The following CACHD1 variants were observed in gnomAD, a reference collection of about 807,000 sequenced individuals.
CACHD1 encodes the protein VWFA and cache domain-containing protein 1.
A neutral mutation model predicts 138.7 loss-of-function variants in CACHD1; 71 were observed. That is an observed-to-expected ratio of 0.51 (90% CI 0.42 to 0.62). The LOEUF (loss-of-function observed/expected upper bound fraction) is 0.62, where lower values mean the gene tolerates loss of function less well. Among genes scored for constraint, CACHD1 ranks in the 20% least tolerant of loss-of-function variants. The pLI, the probability that CACHD1 is intolerant of heterozygous loss-of-function variation, is 0.00. For missense variants in CACHD1, 1,389 were observed against 1,625.3 expected, an observed-to-expected ratio of 0.85 and a Z score of 2.50; for synonymous variants, 578 against 591.5, an observed-to-expected ratio of 0.98 and a Z score of 0.33.
intron 2 of CACHD1, among the ~76,000 whole-genome samples, chr1:64,564,112 C>T (rs1646862822): frequency 6.6e-6 from 1 of 152,130 alleles, no homozygotes; most frequent in Non-Finnish European, 1.5e-5. Context: ...CATGCAGAGC[C>T]TTTTCTCTGA....
chr1:64,691,411 T>C lies in CACHD1; in HGVS notation c.3675T>C (p.His1225=). ...PLSAGVDVGN[H]DEDLDLDTPP... The stretch of plus-strand genomic sequence containing the variant: ...CAGCCGGGGTCGATGTGGGAAACCA[T>C]GATGAGGACTTAGACCTGGATACCC... Residue 1225 remains histidine, a synonymous_variant, in exon 27 of 27, where the codon CAT becomes CAC. Coordinates refer to ENST00000651257, the MANE Select transcript of CACHD1 (RefSeq NM_020925.4). The C allele has an allele frequency of 1.2e-6, 2 of 1,614,072 alleles. No homozygotes were observed. Among genetic ancestry groups the C allele is most frequent in the Non-Finnish European group, 1.7e-6 (2 of 1,180,024 alleles).
chr1:64,600,014 A>G (rs1647197290), intron 3 of CACHD1, among the ~76,000 whole-genome samples: 1 of 152,164 alleles, frequency 6.6e-6, no homozygotes, highest in African/African-American at 2.4e-5. Context: ...GTCTCTGGAA[A>G]GGAGTTGAGT....
chr1:64,558,371 C>T (rs1399756691), intron 2 of CACHD1, among the ~76,000 whole-genome samples: 2 of 152,230 alleles, frequency 1.3e-5, no homozygotes, highest in African/African-American at 4.8e-5. Flanking sequence ...CAAGTCTGTT[C>T]TCCCATGTCA....
At chr1:64,598,228 T>C (rs1224526532) in intron 3 of CACHD1, among the ~76,000 whole-genome samples, 3 of 152,170 alleles carry the variant, frequency 2.0e-5, no homozygotes, top group Non-Finnish European at 4.4e-5. Flanking sequence ...GCCCTGTATA[T>C]CTTAAGCCCC....
At chr1:64,498,568 C>T (rs1301419410) in intron 1 of CACHD1, among the ~76,000 whole-genome samples, 3 of 152,198 alleles carry the variant, frequency 2.0e-5, no homozygotes, top group Non-Finnish European at 4.4e-5. Flanking sequence ...AGATGAAAAG[C>T]TCAGTTTCAT....
At chr1:64,482,913 G>A (rs1646219554) in intron 1 of CACHD1, among the ~76,000 whole-genome samples, 1 of 152,122 alleles carries the variant, frequency 6.6e-6, no homozygotes, top group Admixed American at 6.6e-5. Flanking sequence ...GCGTAGTCCT[G>A]GTATGGTTAC....
chr1:64,611,826 C>G (rs530210354), intron 4 of CACHD1, among the ~76,000 whole-genome samples: 3 of 152,224 alleles, frequency 2.0e-5, no homozygotes, highest in African/African-American at 7.2e-5. Context: ...AGCAGTGCCT[C>G]GCTACCTCAT....
intron 1 of CACHD1, among the ~76,000 whole-genome samples, chr1:64,521,390 G>C (rs954469265): frequency 8.5e-5 from 13 of 152,288 alleles, no homozygotes; most frequent in African/African-American, 2.6e-4. Context: ...CATGTAATTA[G>C]TTTAGGCCCA....
At chr1:64,471,092 C>G (rs1294798700) in intron 1 of CACHD1, 150 bp downstream of exon 1, 1 of 671,428 alleles carries the variant, frequency 1.5e-6, no homozygotes, top group Middle Eastern at 2.7e-4. Flanking sequence ...GTCCTCTGCA[C>G]AGACCCCCTG....
chr1:64,652,968 C>A (rs1424700454), intron 10 of CACHD1, among the ~76,000 whole-genome samples: 2 of 152,124 alleles, frequency 1.3e-5, no homozygotes, highest in African/African-American at 4.8e-5. Context: ...GTGCTATTCA[C>A]AATAGCCAAG....
chr1:64,481,868 A>G (rs1646213536), intron 1 of CACHD1, among the ~76,000 whole-genome samples: 1 of 152,190 alleles, frequency 6.6e-6, no homozygotes, highest in Non-Finnish European at 1.5e-5. Context: ...GCTTGACTCT[A>G]TATATAAAAA....
intron 7 of CACHD1, among the ~76,000 whole-genome samples, chr1:64,636,865 C>G (rs775526985): frequency 8.5e-5 from 13 of 152,160 alleles, no homozygotes; most frequent in Non-Finnish European, 1.6e-4. Flanking sequence ...TATTCTTCTT[C>G]TTAGAAGCAA....
chr1:64,544,107 G>A (rs925330628), intron 1 of CACHD1, among the ~76,000 whole-genome samples: 6 of 151,906 alleles, frequency 3.9e-5, no homozygotes, highest in Admixed American at 3.3e-4. Flanking sequence ...ACAATGCCTG[G>A]AATCATAGGA....
At chr1:64,665,477 C>CA (rs534319976) in intron 15 of CACHD1, among the ~76,000 whole-genome samples, 70 of 150,572 alleles carry the variant, frequency 4.6e-4, no homozygotes, top group South Asian at 8.5e-4. Context: ...AACAAAAAAA[C>CA]AAAAAAAACA....
chr1:64,498,829 T>C (rs1178049743), intron 1 of CACHD1, among the ~76,000 whole-genome samples: 3 of 152,244 alleles, frequency 2.0e-5, no homozygotes, highest in Non-Finnish European at 4.4e-5. Flanking sequence ...CTTGGTGGTT[T>C]CCCCTGGGAA....
intron 2 of CACHD1, among the ~76,000 whole-genome samples, chr1:64,553,883 T>G (rs1452711079): frequency 6.6e-6 from 1 of 152,262 alleles, no homozygotes; most frequent in African/African-American, 2.4e-5. Context: ...CATATCTTGC[T>G]AGTTTCACTC....
At chr1:64,600,523 G>A (rs566787539) in intron 3 of CACHD1, among the ~76,000 whole-genome samples, 1 of 152,298 alleles carries the variant, frequency 6.6e-6, no homozygotes, top group East Asian at 1.9e-4. Flanking sequence ...GGGGAGCCCA[G>A]AACAGGAGTA....
At chr1:64,616,666 T>A (rs1182730292) in intron 4 of CACHD1, among the ~76,000 whole-genome samples, 1 of 152,166 alleles carries the variant, frequency 6.6e-6, no homozygotes, top group East Asian at 1.9e-4. Flanking sequence ...TGTCTGGTTG[T>A]GTTTTATGTG....
At chr1:64,487,720 G>A (rs981171943) in intron 1 of CACHD1, among the ~76,000 whole-genome samples, 18 of 152,180 alleles carry the variant, frequency 1.2e-4, no homozygotes, top group African/African-American at 4.1e-4. Context: ...GCATGGTGGT[G>A]TTACGTCAAC....
Sources: gnomAD v4.1 joint callset for allele counts (sites outside exome capture counted in the v4.1 genomes callset) on GRCh38, gnomAD v4.1.1 for gene constraint, MANE v1.5 for transcripts, NCBI Gene and HGNC (gene_info 2026-07-23, HGNC 2026-07-21) for gene names.